The following F8 variants were observed in gnomAD, a reference collection of about 807,000 sequenced individuals.
The protein encoded by F8 is coagulation factor VIII, also known as antihemophilic factor.
Under a neutral mutation model 140.6 loss-of-function variants are expected in F8, and 12 were observed. That is an observed-to-expected ratio of 0.09 (90% CI 0.05 to 0.14). F8 has a LOEUF of 0.14. F8 is among the 10% of genes least tolerant of loss of function. The pLI, the probability that F8 is intolerant of heterozygous loss-of-function variation, is 1.00. For missense variants in F8, 1,354 were observed against 1,720.7 expected (o/e 0.79, Z 3.77); for synonymous variants, 585 against 614.6 (o/e 0.95, Z 0.71).
At chrX:154,849,461 CTTTTTT>C (rs782727629) in intron 25 of F8, among the ~76,000 whole-genome samples, 1 of 86,619 alleles carries the variant, frequency 1.2e-5, no homozygotes, top group Admixed American at 1.4e-4. Context: ...TTTACTTTTG[CTTTTTT>C]TTTTTTTTTT....
intron 9 of F8, among the ~76,000 whole-genome samples, chrX:154,963,908 T>C (rs1160337723): frequency 1.8e-5 from 2 of 110,346 alleles, no homozygotes; most frequent in Non-Finnish European, 3.8e-5. Flanking sequence ...TGGTGCGATC[T>C]CAGCTCACTG....
At position 154,929,855 on chromosome X, in the gene F8, C is replaced by T; in HGVS notation, c.3935G>A (p.Cys1312Tyr). The T allele has an allele frequency of 8.3e-7, 1 of 1,211,547 alleles. No homozygotes were observed. Among genetic ancestry groups the T allele is most frequent in the Non-Finnish European group, 1.1e-6 (1 of 895,189 alleles). The change falls in exon 14 of 26, where the codon TGC (cysteine) becomes TAC (tyrosine). Residue 1312 changes from cysteine to tyrosine, a missense_variant. Transcript: ENST00000360256. ...QTKQIVEKYA[C>Y]TTRISPNTSQ... is the part of the protein sequence containing the mutation. ...TGTATTAGGAGATATCCTTGTGGTG[C>T]ATGCATATTTCTCTACAATTTGCTT...
chrX:154,969,286 G>A (rs1174600279), intron 7 of F8, 45 bp downstream of exon 7: 2 of 1,093,342 alleles, frequency 1.8e-6, no homozygotes, highest in Middle Eastern at 2.5e-4. Flanking sequence ...ATTAAAAGTA[G>A]GACTGGATAT....
At position 154,931,653 on chromosome X, in the gene F8, T is replaced by C; in HGVS notation, c.2137A>G (p.Asn713Asp). 8.3e-7 allele frequency: 1 copy of C among 1,211,314 alleles called. No homozygotes were observed. Among genetic ancestry groups the C allele is most frequent in the Non-Finnish European group, 1.1e-6 (1 of 895,050 alleles). Residue 713 changes from asparagine (N) to aspartate (D), a missense_variant, in exon 14 of 26, where the codon AAC becomes GAC. By Grantham distance (23) the Asn-to-Asp change is conservative (BLOSUM62 1). Transcript: ENST00000360256. ...ATGCCTCTGTTCCGAAAGTCTGAGTTGTGGCACCCCAGAATCCATAGACCT... is the reference window on the plus strand; with the variant it reads ...ATGCCTCTGTTCCGAAAGTCTGAGTCGTGGCACCCCAGAATCCATAGACCT... Reference protein sequence around the residue: ...NPGLWILGCHNSDFRNRGMTA... With the variant: ...NPGLWILGCHDSDFRNRGMTA...
In F8 at chrX:154,837,722, G is replaced by T; in HGVS notation, c.6931C>A (p.Pro2311Thr). ...GGTGGGTCTAGAGAGTTCACCACAGGTGTGAAGGAGTCTTGATTTCCCTGA... is the reference window on the plus strand; with the variant it reads ...GGTGGGTCTAGAGAGTTCACCACAGTTGTGAAGGAGTCTTGATTTCCCTGA... ...VFQGNQDSFT[P>T]VVNSLDPPLL... The change falls in exon 26 of 26, where the codon CCT becomes ACT. Residue 2311 changes from proline (P) to threonine (T), a missense_variant. Physicochemically the swap from Pro to Thr is conservative, Grantham distance 38. Around this residue, in one of 4 missense-constraint regions of F8, gnomAD observed 316 missense variants for 485.4 expected, o/e 0.65. Transcript: ENST00000360256. 1 of 1,211,332 alleles carries T rather than the reference G, an allele frequency of 8.3e-7. No individual in the cohort carries two copies. The highest frequency in any genetic ancestry group is 1.1e-6 in the Non-Finnish European group (1 of 894,915).
rs1414097815 is a variant in F8 at position 154,969,332 on chromosome X, A to G, written c.1008T>C (p.His336=). ...LLFCHISSHQ[H]DGMEAYVKVD... is the part of the protein sequence containing the mutation. ...CATTTTAAAGATCCAAGATATTACC[A>G]TGTTGGTGGGAAGAGATATGACAAA... The change falls in exon 7 of 26, where the codon CAT becomes CAC. Residue 336 remains histidine, a splice_region_variant and synonymous_variant. Coordinates refer to ENST00000360256, the MANE Select transcript of F8 (RefSeq NM_000132.4). 2 of 1,199,694 alleles carry G rather than the reference A, an allele frequency of 1.7e-6. No homozygotes were observed. Among genetic ancestry groups the G allele is most frequent in the Non-Finnish European group, 2.3e-6 (2 of 885,705 alleles).
chrX:154,952,704 G>A (rs1420019718), intron 12 of F8, among the ~76,000 whole-genome samples: 3 of 110,622 alleles, frequency 2.7e-5, no homozygotes, highest in Middle Eastern at 4.2e-3. Context: ...CACCATGCCC[G>A]GCTAATTTTT....
intron 2 of F8, among the ~76,000 whole-genome samples, chrX:154,997,409 A>G (rs1557285202): frequency 8.9e-6 from 1 of 112,367 alleles, no homozygotes; most frequent in Admixed American, 9.4e-5. Flanking sequence ...TTAAGCACAT[A>G]AAGAAATAAA....
chrX:154,837,759 G>A lies in F8; in HGVS notation c.6901-7C>T, dbSNP rs1557271068. Reference sequence around the variant, plus strand: ...CTTGATTTCCCTGAAAAACCTGAAAGAGGAAAGATAGCATTTATTGGTTGT... The same window carrying A: ...CTTGATTTCCCTGAAAAACCTGAAAAAGGAAAGATAGCATTTATTGGTTGT... On this transcript the variant is annotated splice_region_variant and splice_polypyrimidine_tract_variant and intron_variant, in intron 25 of 25. Transcript: ENST00000360256. 8.3e-7 allele frequency: 1 copy of A among 1,209,936 alleles called. No individual in the cohort carries two copies. Among genetic ancestry groups the A allele is most frequent in the Admixed American group, 2.2e-5 (1 of 46,106 alleles).
chrX:154,900,718 G>A (rs1428116222), intron 20 of F8, among the ~76,000 whole-genome samples: 1 of 111,418 alleles, frequency 9.0e-6, no homozygotes, highest in African/African-American at 3.3e-5. Flanking sequence ...AACAACATAG[G>A]TTGGCAAACT....
At chrX:154,906,380 T>TA (rs782754775) in intron 15 of F8, 40 bp downstream of exon 15, 1 of 1,153,413 alleles carries the variant, frequency 8.7e-7, no homozygotes, top group East Asian at 3.0e-5. Context: ...AATAAATATA[T>TA]AAAATTAATT....
At chrX:154,868,586 A>G (rs1381020473) in intron 22 of F8, among the ~76,000 whole-genome samples, 4 of 112,218 alleles carry the variant, frequency 3.6e-5, no homozygotes, top group Admixed American at 9.5e-5. Context: ...TAGCCACTGC[A>G]AAAACATACC....
In F8 at chrX:154,931,150, C is replaced by T. The variant is rs1325223566; in HGVS notation, c.2640G>A (p.Glu880=). Residue 880 remains glutamate, a synonymous_variant, in exon 14 of 26, where the codon GAG becomes GAA. Transcript: ENST00000360256. The stretch of plus-strand genomic sequence containing the variant: ...CTGTTGCTGCAGTTGTCCCCAGTTT[C>T]TCATTTAATCTTAATTGGAGGCCTG... ...PESGLQLRLN[E]KLGTTAATEL... 1 of 1,209,673 alleles carries T rather than the reference C, an allele frequency of 8.3e-7. No homozygotes were observed. The highest frequency in any genetic ancestry group is 1.7e-5 in the African/African-American group (1 of 57,153).
chrX:155,022,562 C>T lies in F8; in HGVS notation c.-10G>A, dbSNP rs1172699967. Reference sequence around the variant, plus strand: ...AGAGCTCTATTTGCATGACTTATTGCTACAAATGTTCAACTGGAGAAGCAA... The same window carrying T: ...AGAGCTCTATTTGCATGACTTATTGTTACAAATGTTCAACTGGAGAAGCAA... On this transcript the variant is annotated 5_prime_UTR_variant, in exon 1 of 26. Coordinates refer to ENST00000360256, the MANE Select transcript of F8 (RefSeq NM_000132.4). 4.1e-6 allele frequency: 5 copies of T among 1,210,565 alleles called. No individual in the cohort carries two copies. Among genetic ancestry groups the T allele is most frequent in the Non-Finnish European group, 4.5e-6 (4 of 895,306 alleles).
At chrX:154,981,704 A>C (rs1344913271) in intron 6 of F8, among the ~76,000 whole-genome samples, 1 of 111,179 alleles carries the variant, frequency 9.0e-6, no homozygotes, top group Non-Finnish European at 1.9e-5. Context: ...ATCTGCTTTA[A>C]AACACACAGT....
At position 154,875,722 on chromosome X, in the gene F8, T is replaced by A. The variant is rs1436019866; in HGVS notation, c.6430-12495A>T. On this transcript the variant is annotated intron_variant, in intron 22 of 25. Transcript: ENST00000360256. ...ATCCTCCACCCTGGTCTCAGAATGA[T>A]CTTCTAAGAATGTAGTGTGTGTGTG... 1.9e-4 allele frequency among the ~76,000 whole-genome samples: 20 copies of A among 103,971 alleles called. No individual in the cohort carries two copies. In the Admixed American group the frequency reaches 2.0e-3, roughly 10 times the overall value. 90.3% of individuals were successfully genotyped at this position (103,971 alleles called of 115,157 possible). A position where few individuals can be genotyped will look rare whatever the true frequency, so the allele number is the denominator to read the frequency against.
chrX:154,914,475 A>T (rs1282659265), intron 14 of F8, among the ~76,000 whole-genome samples: 1 of 111,849 alleles, frequency 8.9e-6, no homozygotes, highest in Non-Finnish European at 1.9e-5. Context: ...ATGCTCTGTC[A>T]CTCTGGAATG....
At chrX:154,925,140 T>C (rs1557277961) in intron 14 of F8, among the ~76,000 whole-genome samples, 12 of 112,577 alleles carry the variant, frequency 1.1e-4, no homozygotes. Flanking sequence ...TCTCTAACAT[T>C]ATCAGGCTGC....
chrX:154,964,810 A>G (rs372940505), intron 9 of F8, among the ~76,000 whole-genome samples: 3 of 111,908 alleles, frequency 2.7e-5, no homozygotes, highest in East Asian at 2.8e-4. Flanking sequence ...CCAGAGACAT[A>G]TAAATGAAAA....
Sources: allele counts gnomAD v4.1 joint callset (sites outside exome capture counted in the v4.1 genomes callset), GRCh38; gene constraint gnomAD v4.1.1; regional missense constraint gnomAD v4.1.1; transcripts MANE v1.5; gene names NCBI Gene and HGNC (gene_info 2026-07-23, HGNC 2026-07-21).